Variants in GPC6 observed in about 807,000 individuals in gnomAD.
The protein encoded by GPC6 is glypican-6.
A neutral mutation model predicts 55.2 loss-of-function variants in GPC6; 14 were observed. That is an observed-to-expected ratio of 0.25 (90% CI 0.17 to 0.40). The LOEUF (loss-of-function observed/expected upper bound fraction) is 0.40, where lower values mean the gene tolerates loss of function less well. Ranked by LOEUF, GPC6 falls within the 10% of genes least tolerant of loss-of-function variation. The pLI, the probability that GPC6 is intolerant of heterozygous loss-of-function variation, is 1.00. For missense variants in GPC6, 641 were observed against 708.5 expected (o/e 0.90, Z 1.08); for synonymous variants, 278 against 259.6 (o/e 1.07, Z -0.68).
At position 93,850,131 on chromosome 13, in the gene GPC6, G is replaced by A. The variant is rs7334570; in HGVS notation, c.711+19586G>A. Reference sequence around the variant, plus strand: ...TGAGAAATCTTTGAAAACAAACCACGCATGAAAAAGACAATCAGTAGGTTT... The same window carrying A: ...TGAGAAATCTTTGAAAACAAACCACACATGAAAAAGACAATCAGTAGGTTT... On this transcript the variant is annotated intron_variant, in intron 3 of 8. Transcript: ENST00000377047. 6.8e-3 allele frequency among the ~76,000 whole-genome samples: 1,031 copies of A among 152,086 alleles called. 17 individuals carry two copies. Among genetic ancestry groups the A allele is most frequent in the African/African-American group, 0.024 (976 of 41,524 alleles).
chr13:93,872,337 A>G (rs1428412236), intron 3 of GPC6, among the ~76,000 whole-genome samples: 1 of 152,028 alleles, frequency 6.6e-6, no homozygotes, highest in African/African-American at 2.4e-5. Flanking sequence ...ATCTGTTTTT[A>G]TAATTAAGAA....
intron 3 of GPC6, among the ~76,000 whole-genome samples, chr13:93,873,428 T>C (rs768631987): frequency 2.6e-5 from 4 of 151,992 alleles, no homozygotes; most frequent in Non-Finnish European, 5.9e-5. Flanking sequence ...TATTCTGCTC[T>C]TGTTCCATAC....
chr13:94,338,990 C>A (rs1877876956), intron 6 of GPC6, among the ~76,000 whole-genome samples: 2 of 152,090 alleles, frequency 1.3e-5, no homozygotes, highest in South Asian at 4.1e-4. Context: ...ATTGACCTAG[C>A]TGGGTAAACC....
chr13:93,469,099 C>A (rs1018956379), intron 1 of GPC6, among the ~76,000 whole-genome samples: 2 of 151,836 alleles, frequency 1.3e-5, no homozygotes, highest in Non-Finnish European at 2.9e-5. Flanking sequence ...TTACCTAAGA[C>A]CTTAACAAAA....
At position 93,227,983 on chromosome 13, in the gene GPC6, T is replaced by G. The variant is rs1051933900; in HGVS notation, c.160+367T>G. ...GCCGAGCCGGGCGCTCACTCCGCGT[T>G]CTGGTTCGGGCAAACTTGGAAGAAC... On this transcript the variant is annotated intron_variant, in intron 1 of 8. Coordinates refer to ENST00000377047, the MANE Select transcript of GPC6 (RefSeq NM_005708.5). The surrounding 1 kb of genome is among the most constrained non-coding windows in gnomAD (Gnocchi z 4.3). Among the ~76,000 whole-genome samples, 4 of 152,036 alleles carry G rather than the reference T, an allele frequency of 2.6e-5. No homozygotes were observed. The highest frequency in any genetic ancestry group is 9.7e-5 in the African/African-American group (4 of 41,430).
chr13:93,430,285 TAAG>T (rs927427065), intron 1 of GPC6, among the ~76,000 whole-genome samples: 9 of 152,090 alleles, frequency 5.9e-5, no homozygotes, highest in African/African-American at 2.2e-4. Context: ...TGAAATGTAT[TAAG>T]AATAGAGAGA....
At chr13:93,542,615 A>G (rs1366511842) in intron 1 of GPC6, among the ~76,000 whole-genome samples, 1 of 152,188 alleles carries the variant, frequency 6.6e-6, no homozygotes, top group Non-Finnish European at 1.5e-5. Context: ...TATCTTGGGC[A>G]GTATGGCCAT....
chr13:93,247,211 G>C (rs1159003497), intron 1 of GPC6, among the ~76,000 whole-genome samples: 2 of 152,076 alleles, frequency 1.3e-5, no homozygotes, highest in African/African-American at 4.8e-5. Context: ...ATCGCTTTTA[G>C]ATACCTACAA....
chr13:94,378,201 A>AAAT lies in GPC6; in HGVS notation c.1153-4193_1153-4191dup, dbSNP rs530949186. 9.1e-3 allele frequency among the ~76,000 whole-genome samples: 1,383 copies of AAAT among 151,714 alleles called. 12 individuals are homozygous for AAAT. The highest frequency in any genetic ancestry group is 0.055 in the Middle Eastern group (16 of 292). On this transcript the variant is annotated intron_variant, in intron 6 of 8. Coordinates refer to ENST00000377047, the MANE Select transcript of GPC6 (RefSeq NM_005708.5). ...CCCTAAAACTTAAAGTATAATAATA[A>AAAT]AATAATAATAATAATAATAATATCT...
chr13:93,496,681 C>G (rs1235761133), intron 1 of GPC6, among the ~76,000 whole-genome samples: 1 of 152,208 alleles, frequency 6.6e-6, no homozygotes, highest in African/African-American at 2.4e-5. Flanking sequence ...TTGTCTGGCT[C>G]TGCCATTTAC....
intron 1 of GPC6, among the ~76,000 whole-genome samples, chr13:93,501,119 T>G (rs552720546): frequency 3.3e-5 from 5 of 152,288 alleles, no homozygotes; most frequent in African/African-American, 1.2e-4. Context: ...TGAAAAACAC[T>G]TGTACTGTTT....
At chr13:93,366,407 A>C (rs2139185232) in intron 1 of GPC6, among the ~76,000 whole-genome samples, 1 of 152,234 alleles carries the variant, frequency 6.6e-6, no homozygotes, top group East Asian at 1.9e-4. Flanking sequence ...GGGTTTTATT[A>C]GTTAATTAAA....
intron 1 of GPC6, chr13:93,450,694 G>T: frequency 3.1e-6 from 3 of 963,132 alleles, no homozygotes; most frequent in Non-Finnish European, 3.7e-6. Flanking sequence ...GCTGCTAGGA[G>T]CTCCAACACT....
chr13:93,451,061 CA>C (rs2139301482), intron 1 of GPC6, among the ~76,000 whole-genome samples: 1 of 152,106 alleles, frequency 6.6e-6, no homozygotes, highest in South Asian at 2.1e-4. Context: ...CTGGCAGGAG[CA>C]AGTGATTGGA....
At chr13:93,273,586 A>G (rs1243519872) in intron 1 of GPC6, among the ~76,000 whole-genome samples, 1 of 152,070 alleles carries the variant, frequency 6.6e-6, no homozygotes, top group African/African-American at 2.4e-5. Context: ...TGAACCCGGG[A>G]GGCGGAGCTT....
At chr13:94,149,514 C>T (rs925253306) in intron 4 of GPC6, among the ~76,000 whole-genome samples, 1 of 152,116 alleles carries the variant, frequency 6.6e-6, no homozygotes, top group Non-Finnish European at 1.5e-5. Flanking sequence ...CCTTGTAGAG[C>T]ATTGAACATC....
At chr13:94,019,196 T>C (rs1882605509) in intron 3 of GPC6, among the ~76,000 whole-genome samples, 1 of 152,196 alleles carries the variant, frequency 6.6e-6, no homozygotes, top group African/African-American at 2.4e-5. Context: ...GTCCAGAGTT[T>C]TTCTTTGTCC....
intron 1 of GPC6, among the ~76,000 whole-genome samples, chr13:93,381,380 A>G (rs1362432416): frequency 6.6e-6 from 1 of 152,120 alleles, no homozygotes; most frequent in East Asian, 1.9e-4. Flanking sequence ...TGGACATTCT[A>G]CACTTTCAAA....
intron 1 of GPC6, among the ~76,000 whole-genome samples, chr13:93,303,536 C>A (rs905202792): frequency 1.3e-5 from 2 of 152,030 alleles, no homozygotes; most frequent in African/African-American, 2.4e-5. Flanking sequence ...TCAGCATAAA[C>A]CCCAGGTGAT....
Sources: allele counts gnomAD v4.1 joint callset (sites outside exome capture counted in the v4.1 genomes callset), GRCh38; gene constraint gnomAD v4.1.1; non-coding constraint Gnocchi (gnomAD v3.1); transcripts MANE v1.5; gene names NCBI Gene and HGNC (gene_info 2026-07-23, HGNC 2026-07-21).